PRKN: variants seen among roughly 807,000 people sequenced by gnomAD.
PRKN encodes the protein parkin RBR E3 ubiquitin protein ligase, also known as E3 ubiquitin-protein ligase parkin.
A neutral mutation model predicts 59.5 loss-of-function variants in PRKN; 56 were observed. The observed-to-expected ratio is 0.94, with a 90% CI of 0.76 to 1.18. PRKN has a LOEUF of 1.18. Ranked by LOEUF, PRKN falls within the 50% of genes most tolerant of loss-of-function variation. The pLI is 0.00. For missense variants in PRKN, 657 were observed against 596.4 expected (o/e 1.10, Z -1.06); for synonymous variants, 250 against 222.1 (o/e 1.13, Z -1.12).
rs1290456812 is a variant in PRKN at position 162,021,251 on chromosome 6, TTGA to T, written c.618+32837_618+32839del. ...TCAAATATATATATAATGTACTTAA[TTGA>T]TAAGAAAACAGATAATTAAACTATC... On this transcript the variant is annotated intron_variant, in intron 5 of 11. Transcript: ENST00000366898. Among the ~76,000 whole-genome samples the T allele has an allele frequency of 1.1e-4, 7 of 62,716 alleles. 1 individual carries two copies. The East Asian group carries it at 4.0e-3, about 36-fold the overall frequency. The allele number at this position is 62,716 out of a possible 152,430, so 41.1% of individuals were successfully genotyped here. A position where few individuals can be genotyped will look rare whatever the true frequency, so the allele number is the denominator to read the frequency against.
intron 7 of PRKN, among the ~76,000 whole-genome samples, chr6:161,694,243 A>C (rs1785923109): frequency 6.6e-6 from 1 of 152,202 alleles, no homozygotes; most frequent in Admixed American, 6.5e-5. Flanking sequence ...AATAATAATA[A>C]GAAAAAAAGA....
At chr6:161,384,543 A>C (rs1243557046) in intron 10 of PRKN, among the ~76,000 whole-genome samples, 1 of 152,018 alleles carries the variant, frequency 6.6e-6, no homozygotes, top group East Asian at 1.9e-4. Context: ...ACCCTGGTTC[A>C]AAAAAAATGA....
At chr6:162,169,187 G>T (rs574515577) in intron 4 of PRKN, among the ~76,000 whole-genome samples, 33 of 152,264 alleles carry the variant, frequency 2.2e-4, no homozygotes, top group South Asian at 2.1e-3. Context: ...TTTGGATTTT[G>T]GTTTTGGACT....
chr6:162,724,967 A>G (rs913437531), intron 1 of PRKN, among the ~76,000 whole-genome samples: 2 of 152,226 alleles, frequency 1.3e-5, no homozygotes, highest in African/African-American at 4.8e-5. Flanking sequence ...GGCAATGGTC[A>G]TCTGCAATCC....
At chr6:161,670,059 A>G (rs1036619959) in intron 7 of PRKN, among the ~76,000 whole-genome samples, 1 of 152,208 alleles carries the variant, frequency 6.6e-6, no homozygotes, top group Non-Finnish European at 1.5e-5. Context: ...GAGAGACATA[A>G]GCGATGTGGC....
At chr6:162,492,648 T>C (rs889948547) in intron 1 of PRKN, among the ~76,000 whole-genome samples, 1 of 150,078 alleles carries the variant, frequency 6.7e-6, no homozygotes, top group Non-Finnish European at 1.5e-5. Context: ...TACTAAAAAA[T>C]ACAAAAATTA....
intron 9 of PRKN, among the ~76,000 whole-genome samples, chr6:161,536,928 G>C (rs1779435877): frequency 6.6e-6 from 1 of 152,166 alleles, no homozygotes; most frequent in African/African-American, 2.4e-5. Context: ...ATGTGAAGCA[G>C]TTCCCATCCA....
At chr6:161,738,429 T>G (rs865896357) in intron 7 of PRKN, among the ~76,000 whole-genome samples, 6 of 152,304 alleles carry the variant, frequency 3.9e-5, no homozygotes, top group Middle Eastern at 3.4e-3. Context: ...GAGGCTTAGC[T>G]TTTATAAACG....
intron 7 of PRKN, among the ~76,000 whole-genome samples, chr6:161,703,909 G>T (rs1431075493): frequency 1.6e-5 from 2 of 124,080 alleles, no homozygotes; most frequent in African/African-American, 6.1e-5. Flanking sequence ...AGGCTAGAGT[G>T]CAGTGGCACA....
intron 2 of PRKN, among the ~76,000 whole-genome samples, chr6:162,320,898 T>C (rs949292072): frequency 1.3e-5 from 2 of 150,178 alleles, no homozygotes; most frequent in African/African-American, 2.5e-5. Flanking sequence ...TAAAGCAATA[T>C]GCAAAGAAAA....
rs1299157533 is a variant in PRKN at position 161,562,503 on chromosome 6, T to C, written c.933+6852A>G. Among the ~76,000 whole-genome samples the C allele has an allele frequency of 1.3e-5, 2 of 152,186 alleles. No homozygotes were observed. On this transcript the variant is annotated intron_variant, in intron 8 of 11. Coordinates refer to ENST00000366898, the MANE Select transcript of PRKN (RefSeq NM_004562.3). This position sits in a 1 kb window ranked among gnomAD's most constrained non-coding sequence, Gnocchi z 4.3. ...CTGAGAATCCCCATGGGTTTAAAAT[T>C]TCCTCTACATGCTGGTAATTCCAAA... is the stretch of plus-strand genomic sequence containing the variant.
At chr6:162,065,136 T>C (rs1172295800) in intron 4 of PRKN, among the ~76,000 whole-genome samples, 2 of 152,164 alleles carry the variant, frequency 1.3e-5, no homozygotes, top group Admixed American at 6.5e-5. Flanking sequence ...AGTCCAAGGA[T>C]AGGCCGTGTG....
intron 1 of PRKN, among the ~76,000 whole-genome samples, chr6:162,660,861 T>C (rs1269639841): frequency 2.0e-5 from 3 of 151,930 alleles, no homozygotes; most frequent in Non-Finnish European, 4.4e-5. Flanking sequence ...TGTAGGAGAG[T>C]TCAAGTTCCT....
rs1778343756 is a variant in PRKN, at chr6:162,066,493, G to A, written c.535-12319C>T. On this transcript the variant is annotated intron_variant, in intron 4 of 11. Coordinates refer to ENST00000366898, the MANE Select transcript of PRKN (RefSeq NM_004562.3). ...GTTCCTAATGCAACAGTGTTAGGAG[G>A]GGGGCCTAATGGAAAGCGTTTAAGT... Among the ~76,000 whole-genome samples, 4 of 152,152 alleles carry A rather than the reference G, an allele frequency of 2.6e-5. No individual in the cohort carries two copies. The South Asian group carries it at 6.2e-4, about 24-fold the overall frequency.
chr6:162,727,649 G>C lies in PRKN; in HGVS notation c.7+13C>G. The C allele has an allele frequency of 6.3e-7, 1 of 1,585,300 alleles. No individual in the cohort carries two copies. The highest frequency in any genetic ancestry group is 8.6e-7 in the Non-Finnish European group (1 of 1,166,432). On this transcript the variant is annotated intron_variant, in intron 1 of 11. Coordinates refer to ENST00000366898, the MANE Select transcript of PRKN (RefSeq NM_004562.3). ...CGGCGCAGAGAGGCTGTACCTGGCA[G>C]GTACCCACGTACCTATCATGGTCAC...
intron 4 of PRKN, among the ~76,000 whole-genome samples, chr6:162,192,224 T>C (rs1472399704): frequency 1.3e-5 from 2 of 152,118 alleles, no homozygotes; most frequent in Non-Finnish European, 2.9e-5. Context: ...TTATCTAAAT[T>C]AATGACTGCA....
chr6:161,905,518 C>A (rs1321860442), intron 6 of PRKN, among the ~76,000 whole-genome samples: 1 of 152,186 alleles, frequency 6.6e-6, no homozygotes, highest in Admixed American at 6.5e-5. Flanking sequence ...GTGCTCAGCT[C>A]TCCCAGCTCA....
At chr6:162,256,285 A>C (rs1355369314) in intron 3 of PRKN, among the ~76,000 whole-genome samples, 1 of 152,218 alleles carries the variant, frequency 6.6e-6, no homozygotes, top group Non-Finnish European at 1.5e-5. Flanking sequence ...ACATAAGTAG[A>C]CCATAAATTC....
At chr6:162,296,633 A>G (rs1781690880) in intron 2 of PRKN, among the ~76,000 whole-genome samples, 1 of 152,176 alleles carries the variant, frequency 6.6e-6, no homozygotes, top group African/African-American at 2.4e-5. Flanking sequence ...AGCAAAAATG[A>G]ACGCACTTTA....
Sources: allele counts gnomAD v4.1 joint callset (sites outside exome capture counted in the v4.1 genomes callset), GRCh38; gene constraint gnomAD v4.1.1; non-coding constraint Gnocchi (gnomAD v3.1); transcripts MANE v1.5; gene names NCBI Gene and HGNC (gene_info 2026-07-23, HGNC 2026-07-21).